KCNK10: variants seen among roughly 807,000 people sequenced by gnomAD.
KCNK10 encodes the protein potassium channel subfamily K member 10.
In KCNK10, 25 loss-of-function variants were observed where a neutral mutation model predicts 47.7. The observed-to-expected ratio is 0.52, with a 90% CI of 0.38 to 0.73. The LOEUF is 0.73. Ranked by LOEUF, KCNK10 falls within the 30% of genes least tolerant of loss-of-function variation. KCNK10 has a pLI of 0.00. For missense variants in KCNK10, 563 were observed against 714.5 expected (o/e 0.79, Z 2.42); for synonymous variants, 303 against 285.6 (o/e 1.06, Z -0.61).
In KCNK10 at chr14:88,298,396, C is replaced by T. The variant is rs140485475; in HGVS notation, c.52+24351G>A. On this transcript the variant is annotated intron_variant, in intron 1 of 6. Transcript: ENST00000319231. ...CTTTCCCAGTGAATAATCTGTAAAA[C>T]GCCTTCCCCTCCTCATCCATCACCT... is the stretch of plus-strand genomic sequence containing the variant. Among the ~76,000 whole-genome samples, 25 of 152,282 alleles carry T rather than the reference C, an allele frequency of 1.6e-4. No homozygotes were observed. In the East Asian group the frequency reaches 2.5e-3, roughly 15 times the overall value.
intron 2 of KCNK10, among the ~76,000 whole-genome samples, chr14:88,261,979 A>G (rs1887125348): frequency 6.6e-6 from 1 of 152,216 alleles, no homozygotes; most frequent in Admixed American, 6.5e-5. Flanking sequence ...TGACAAGAAT[A>G]TGATTGCTAT....
intron 5 of KCNK10, among the ~76,000 whole-genome samples, chr14:88,190,081 G>C (rs1351575918): frequency 6.6e-6 from 1 of 152,134 alleles, no homozygotes; most frequent in Non-Finnish European, 1.5e-5. Context: ...GTAAAGATAA[G>C]GTAAAGTACT....
intron 4 of KCNK10, among the ~76,000 whole-genome samples, chr14:88,224,469 AAC>A (rs1224724257): frequency 6.6e-6 from 1 of 152,244 alleles, no homozygotes; most frequent in African/African-American, 2.4e-5. Context: ...ATTATTCTGC[AAC>A]CAAAAGCATT....
chr14:88,266,442 G>A (rs1253026238), intron 1 of KCNK10, among the ~76,000 whole-genome samples: 1 of 152,058 alleles, frequency 6.6e-6, no homozygotes, highest in Non-Finnish European at 1.5e-5. Flanking sequence ...AGTCGTCCTG[G>A]GCTCTTCCAG....
chr14:88,205,542 C>CTTTTTTTTTTTTTT (rs200265659), intron 4 of KCNK10, among the ~76,000 whole-genome samples: 16 of 115,774 alleles, frequency 1.4e-4, no homozygotes, highest in East Asian at 2.7e-4. Context: ...CTTTTCTTTT[C>CTTTTTTTTTTTTTT]TTTTTTTTTT....
At chr14:88,249,628 T>A (rs1054270387) in intron 2 of KCNK10, among the ~76,000 whole-genome samples, 1 of 152,230 alleles carries the variant, frequency 6.6e-6, no homozygotes, top group Non-Finnish European at 1.5e-5. Context: ...CGGACTGCCT[T>A]GGCCGGATCA....
At chr14:88,221,399 C>CT (rs762991906) in intron 4 of KCNK10, among the ~76,000 whole-genome samples, 35 of 151,986 alleles carry the variant, frequency 2.3e-4, no homozygotes, top group Non-Finnish European at 4.6e-4. Flanking sequence ...AGGCCAAAGA[C>CT]TTTAACAGAC....
At chr14:88,209,016 A>G (rs995874849) in intron 4 of KCNK10, among the ~76,000 whole-genome samples, 4 of 152,198 alleles carry the variant, frequency 2.6e-5, no homozygotes, top group African/African-American at 9.7e-5. Context: ...CACTTCTGCC[A>G]AGGAACGGAA....
chr14:88,197,572 T>TGAAAAAAAAAAA (rs1884957105), intron 4 of KCNK10, among the ~76,000 whole-genome samples: 1 of 17,142 alleles, frequency 5.8e-5, no homozygotes, highest in Non-Finnish European at 1.5e-4. Context: ...AGACTCCGAC[T>TGAAAAAAAAAAA]AAAAAAAAAA....
At chr14:88,219,130 C>CTACTATTGTGAG (rs1885715830) in intron 4 of KCNK10, among the ~76,000 whole-genome samples, 1 of 152,088 alleles carries the variant, frequency 6.6e-6, no homozygotes, top group African/African-American at 2.4e-5. Context: ...ATGAGTCTCA[C>CTACTATTGTGAG]AATAGTAGTA....
At position 88,182,036 on chromosome 14, in the gene KCNK10, GCACACA is replaced by G. The variant is rs372506756; in HGVS notation, c.*3493_*3498del. ...AGATGGCCCAACACCACCCCAACCC[GCACACA>G]CACACACACACACACACACACACAC... On this transcript the variant is annotated 3_prime_UTR_variant, in exon 7 of 7. Coordinates refer to ENST00000319231, the MANE Select transcript of KCNK10 (RefSeq NM_138317.3). 0.35 allele frequency: 47,627 copies of G among 136,454 alleles called. 9,199 individuals are homozygous for G. Among genetic ancestry groups the G allele is most frequent in the Non-Finnish European group, 0.44 (28,046 of 63,354 alleles). The allele number at this position is 136,454 out of a possible 1,614,324, so 8.5% of individuals were successfully genotyped here.
intron 1 of KCNK10, among the ~76,000 whole-genome samples, chr14:88,276,482 T>C (rs534596211): frequency 6.6e-6 from 1 of 152,288 alleles, no homozygotes; most frequent in East Asian, 1.9e-4. Flanking sequence ...AGACATTGAC[T>C]AGATCATCCT....
rs1884464806 is a variant in KCNK10 at position 88,184,225 on chromosome 14, C to T, written c.*1310G>A. ...TGTTAGCTTATCGTTTGCCTGGGAA[C>T]AATCAGTCTAGGGTGTTCCAGTTTT... On this transcript the variant is annotated 3_prime_UTR_variant, in exon 7 of 7. Coordinates refer to ENST00000319231, the MANE Select transcript of KCNK10 (RefSeq NM_138317.3). 1 of 152,340 alleles carries T rather than the reference C, an allele frequency of 6.6e-6. No individual in the cohort carries two copies. The highest frequency in any genetic ancestry group is 2.1e-4 in the South Asian group (1 of 4,828). 9.4% of individuals were successfully genotyped at this position (152,340 alleles called of 1,614,324 possible). A position where few individuals can be genotyped will look rare whatever the true frequency, so the allele number is the denominator to read the frequency against.
At chr14:88,313,885 A>C (rs1367125054) in intron 1 of KCNK10, among the ~76,000 whole-genome samples, 1 of 152,210 alleles carries the variant, frequency 6.6e-6, no homozygotes, top group East Asian at 1.9e-4. Flanking sequence ...TCATCCTGCA[A>C]ACTGACTTTA....
At chr14:88,266,926 GTC>G (rs1369115903) in intron 1 of KCNK10, among the ~76,000 whole-genome samples, 2 of 152,186 alleles carry the variant, frequency 1.3e-5, no homozygotes, top group African/African-American at 4.8e-5. Flanking sequence ...CTTGAGAAAC[GTC>G]TCTTCAGGCC....
intron 3 of KCNK10, among the ~76,000 whole-genome samples, chr14:88,236,303 C>T (rs931993301): frequency 7.3e-6 from 1 of 137,900 alleles, no homozygotes; most frequent in Non-Finnish European, 1.6e-5. Context: ...GACAACAGAG[C>T]AAGACCCAGT....
intron 1 of KCNK10, among the ~76,000 whole-genome samples, chr14:88,303,269 G>A (rs1888140084): frequency 6.6e-6 from 1 of 152,164 alleles, no homozygotes; most frequent in Non-Finnish European, 1.5e-5. Flanking sequence ...AACAGTCAAT[G>A]TCCGTATTGT....
intron 4 of KCNK10, among the ~76,000 whole-genome samples, chr14:88,194,365 T>C (rs551799420): frequency 6.6e-6 from 1 of 152,330 alleles, no homozygotes; most frequent in Admixed American, 6.5e-5. Flanking sequence ...CAGAAATGTA[T>C]GAAAAGTTCA....
chr14:88,273,952 C>A (rs1273153053), intron 1 of KCNK10, among the ~76,000 whole-genome samples: 3 of 152,116 alleles, frequency 2.0e-5, no homozygotes, highest in Non-Finnish European at 4.4e-5. Context: ...GGTTTTAAAT[C>A]TTATTGTCAA....
Sources: gnomAD v4.1 joint callset for allele counts (sites outside exome capture counted in the v4.1 genomes callset) on GRCh38, gnomAD v4.1.1 for gene constraint, MANE v1.5 for transcripts, NCBI Gene and HGNC (gene_info 2026-07-23, HGNC 2026-07-21) for gene names.